Variants in EXOC4 observed in about 807,000 individuals in gnomAD.
The protein encoded by EXOC4 is exocyst complex component 4, also known as SEC8-like 1.
In EXOC4, 71 loss-of-function variants were observed where a neutral mutation model predicts 107.2. The observed-to-expected ratio is 0.66, with a 90% CI of 0.55 to 0.81. The LOEUF (loss-of-function observed/expected upper bound fraction) is 0.81. Among genes scored for constraint, EXOC4 ranks in the 30% least tolerant of loss-of-function variants. EXOC4 has a pLI of 0.00. For missense variants in EXOC4, 1,108 were observed against 1,189.6 expected, an observed-to-expected ratio of 0.93 and a Z score of 1.01; for synonymous variants, 456 against 441.2, an observed-to-expected ratio of 1.03 and a Z score of -0.42.
chr7:133,364,276 A>G (rs988723728), intron 6 of EXOC4, among the ~76,000 whole-genome samples: 27 of 151,644 alleles, frequency 1.8e-4, no homozygotes, highest in Non-Finnish European at 3.4e-4. Flanking sequence ...GACTACAGTT[A>G]TATGACACGA....
chr7:133,960,022 T>C (rs973346339), intron 14 of EXOC4, among the ~76,000 whole-genome samples: 3 of 151,634 alleles, frequency 2.0e-5, no homozygotes, highest in Admixed American at 2.0e-4. Flanking sequence ...GATTCTAGAG[T>C]AGTTACGGAA....
At chr7:133,810,236 G>A (rs1487531722) in intron 10 of EXOC4, among the ~76,000 whole-genome samples, 1 of 152,192 alleles carries the variant, frequency 6.6e-6, no homozygotes, top group African/African-American at 2.4e-5. Flanking sequence ...CCAGCTGGTA[G>A]CAGCCACAAT....
At chr7:133,464,035 T>C (rs991582467) in intron 7 of EXOC4, among the ~76,000 whole-genome samples, 7 of 152,230 alleles carry the variant, frequency 4.6e-5, no homozygotes, top group African/African-American at 1.4e-4. Flanking sequence ...ATCATAGATA[T>C]ATACTTACTG....
chr7:133,985,444 C>T (rs1794092298), intron 14 of EXOC4, among the ~76,000 whole-genome samples: 1 of 152,186 alleles, frequency 6.6e-6, no homozygotes. Flanking sequence ...CCTGCTGTAA[C>T]TCTAAGACCA....
At chr7:133,906,517 GCAGGAGGGA>G (rs1799568687) in intron 12 of EXOC4, among the ~76,000 whole-genome samples, 1 of 152,244 alleles carries the variant, frequency 6.6e-6, no homozygotes, top group Non-Finnish European at 1.5e-5. Context: ...TGAGAGCACA[GCAGGAGGGA>G]CAATGATCAG....
chr7:133,769,280 GTTTTT>G (rs879442389), intron 10 of EXOC4, among the ~76,000 whole-genome samples: 1 of 148,678 alleles, frequency 6.7e-6, no homozygotes, highest in Non-Finnish European at 1.5e-5. Context: ...TACATAGATT[GTTTTT>G]TTTTTAAGTG....
At chr7:134,056,872 A>G (rs1795938664) in intron 17 of EXOC4, among the ~76,000 whole-genome samples, 1 of 152,202 alleles carries the variant, frequency 6.6e-6, no homozygotes, top group Non-Finnish European at 1.5e-5. Context: ...CATCATCTCA[A>G]CGGTGATGGG....
intron 9 of EXOC4, among the ~76,000 whole-genome samples, chr7:133,495,012 C>G (rs1291892283): frequency 6.6e-6 from 1 of 152,102 alleles, no homozygotes; most frequent in East Asian, 1.9e-4. Context: ...TGGCTCACGC[C>G]TGTAATCCCA....
chr7:133,946,669 T>C (rs1343684869), intron 14 of EXOC4, among the ~76,000 whole-genome samples: 1 of 152,258 alleles, frequency 6.6e-6, no homozygotes, highest in Non-Finnish European at 1.5e-5. Flanking sequence ...TTCTGAAATC[T>C]ACGTTATTAC....
At chr7:133,987,368 G>T (rs1794141560) in intron 14 of EXOC4, among the ~76,000 whole-genome samples, 1 of 151,764 alleles carries the variant, frequency 6.6e-6, no homozygotes, top group Non-Finnish European at 1.5e-5. Flanking sequence ...AGATGAGGTG[G>T]GAGGATTGCT....
chr7:133,993,406 G>T (rs1322962518), intron 14 of EXOC4, among the ~76,000 whole-genome samples: 1 of 152,162 alleles, frequency 6.6e-6, no homozygotes, highest in Non-Finnish European at 1.5e-5. Context: ...TGCAATCCAT[G>T]CTGAGGATCC....
intron 14 of EXOC4, among the ~76,000 whole-genome samples, chr7:133,987,411 AAAG>A (rs779672103): frequency 3.0e-4 from 46 of 152,010 alleles, no homozygotes; most frequent in East Asian, 5.8e-4. Context: ...GAGAGAAAGA[AAAG>A]AAGGAAGGGA....
At chr7:133,284,500 G>A (rs1794230186) in intron 2 of EXOC4, among the ~76,000 whole-genome samples, 1 of 152,110 alleles carries the variant, frequency 6.6e-6, no homozygotes, top group Non-Finnish European at 1.5e-5. Context: ...GTGGAATTTA[G>A]GAATGGCTTT....
chr7:134,035,619 A>T (rs1193412950), intron 17 of EXOC4, among the ~76,000 whole-genome samples: 1 of 152,082 alleles, frequency 6.6e-6, no homozygotes, highest in Non-Finnish European at 1.5e-5. Context: ...GTGACTTTAA[A>T]CTTTTTTTTT....
intron 7 of EXOC4, among the ~76,000 whole-genome samples, chr7:133,444,576 C>G (rs577251115): frequency 6.6e-6 from 1 of 152,194 alleles, no homozygotes; most frequent in South Asian, 2.1e-4. Context: ...GAAAAAGATA[C>G]AATTAGAGAA....
intron 10 of EXOC4, among the ~76,000 whole-genome samples, chr7:133,708,016 G>A (rs1794807116): frequency 1.3e-5 from 2 of 152,090 alleles, no homozygotes; most frequent in African/African-American, 4.8e-5. Context: ...TTTTTAAGGT[G>A]CTCTGTGGTT....
At chr7:133,558,217 TTTTC>T (rs1800737732) in intron 9 of EXOC4, among the ~76,000 whole-genome samples, 1 of 143,780 alleles carries the variant, frequency 7.0e-6, no homozygotes, top group African/African-American at 2.8e-5. Context: ...TTTTCTTTTC[TTTTC>T]TTTTCTTTTC....
intron 11 of EXOC4, among the ~76,000 whole-genome samples, chr7:133,852,181 T>C (rs996814399): frequency 1.3e-5 from 2 of 151,782 alleles, no homozygotes; most frequent in Non-Finnish European, 2.9e-5. Context: ...GTTTAATAAA[T>C]AAATTTTTTA....
intron 5 of EXOC4, among the ~76,000 whole-genome samples, chr7:133,329,552 C>T (rs924208649): frequency 5.3e-5 from 8 of 152,158 alleles, no homozygotes; most frequent in African/African-American, 1.7e-4. Flanking sequence ...ACCCCATCTT[C>T]GTGGATTTAT....
Sources: allele counts gnomAD v4.1 joint callset (sites outside exome capture counted in the v4.1 genomes callset), GRCh38; gene constraint gnomAD v4.1.1; transcripts MANE v1.5; gene names NCBI Gene and HGNC (gene_info 2026-07-23, HGNC 2026-07-21).